Variants in STPG4 observed in about 807,000 individuals in gnomAD.
The protein encoded by STPG4 is protein STPG4.
A neutral mutation model predicts 31.5 loss-of-function variants in STPG4; 41 were observed. That is an observed-to-expected ratio of 1.30 (90% CI 1.01 to 1.69). The LOEUF (loss-of-function observed/expected upper bound fraction) is 1.69. Ranked by LOEUF, STPG4 falls within the 40% of genes most tolerant of loss-of-function variation. STPG4 has a pLI of 0.00. For missense variants in STPG4, 375 were observed against 293.4 expected (o/e 1.28, Z -2.03); for synonymous variants, 141 against 103.0 (o/e 1.37, Z -2.24).
chr2:47,096,616 C>T (rs963577884), intron 5 of STPG4, among the ~76,000 whole-genome samples: 3 of 152,074 alleles, frequency 2.0e-5, no homozygotes, highest in African/African-American at 7.2e-5. Context: ...CATGAATGTC[C>T]CAGGGGGTTA....
chr2:47,091,301 A>C (rs113550107), intron 5 of STPG4, among the ~76,000 whole-genome samples: 1 of 152,224 alleles, frequency 6.6e-6, no homozygotes, highest in Non-Finnish European at 1.5e-5. Flanking sequence ...GATATGAAAC[A>C]GCTTAAAACA....
intron 5 of STPG4, among the ~76,000 whole-genome samples, chr2:47,117,458 C>G (rs1023112281): frequency 6.6e-6 from 1 of 152,144 alleles, no homozygotes; most frequent in East Asian, 1.9e-4. Context: ...ATCTGCCTGC[C>G]TCGGCCTCCT....
intron 2 of STPG4, among the ~76,000 whole-genome samples, chr2:47,152,139 A>G (rs1686951491): frequency 6.6e-6 from 1 of 152,168 alleles, no homozygotes; most frequent in Non-Finnish European, 1.5e-5. Flanking sequence ...TCAGACCTCT[A>G]GTGAGACCAC....
intron 5 of STPG4, among the ~76,000 whole-genome samples, chr2:47,091,245 G>C (rs1685564543): frequency 6.6e-6 from 1 of 152,192 alleles, no homozygotes; most frequent in African/African-American, 2.4e-5. Context: ...TATGATGCTG[G>C]CAGAAGCATA....
intron 5 of STPG4, among the ~76,000 whole-genome samples, chr2:47,114,544 C>T (rs930769397): frequency 1.3e-5 from 2 of 152,086 alleles, no homozygotes; most frequent in African/African-American, 4.8e-5. Context: ...AAAGACTATG[C>T]ATCGTCTTAT....
chr2:47,121,409 C>A (rs1686270058), intron 5 of STPG4, among the ~76,000 whole-genome samples: 1 of 152,176 alleles, frequency 6.6e-6, no homozygotes, highest in Non-Finnish European at 1.5e-5. Context: ...GCTCCCAGAA[C>A]ACTGACAGCT....
chr2:47,145,332 C>G (rs1439639049), intron 3 of STPG4, among the ~76,000 whole-genome samples: 1 of 152,202 alleles, frequency 6.6e-6, no homozygotes, highest in Non-Finnish European at 1.5e-5. Context: ...AACTCTCCCA[C>G]CTCACTCCAC....
intron 6 of STPG4, among the ~76,000 whole-genome samples, chr2:47,087,498 G>A (rs775308044): frequency 1.3e-5 from 2 of 152,134 alleles, no homozygotes; most frequent in Non-Finnish European, 2.9e-5. Context: ...TCTTTCCCCC[G>A]GTGACCTCAG....
intron 3 of STPG4, among the ~76,000 whole-genome samples, chr2:47,139,881 T>C (rs1226733999): frequency 6.6e-6 from 1 of 152,124 alleles, no homozygotes; most frequent in Non-Finnish European, 1.5e-5. Flanking sequence ...GTTCAAGCAA[T>C]TCTCCTGCCT....
At position 47,133,570 on chromosome 2, in the gene STPG4, C is replaced by CTTTTTTTTTTTTTTTTTTTT. The variant is rs10682288; in HGVS notation, c.400-3330_400-3311dup. On this transcript the variant is annotated intron_variant, in intron 3 of 6. Transcript: ENST00000445927. ...ATCCATGCTGATTAGGCACTCAAAT[C>CTTTTTTTTTTTTTTTTTTTT]TTTTTTTTTTTTTTTTTTTTTTTTG... Among the ~76,000 whole-genome samples the CTTTTTTTTTTTTTTTTTTTT allele has an allele frequency of 1.5e-4, 10 of 67,142 alleles. 3 individuals are homozygous for CTTTTTTTTTTTTTTTTTTTT. Among genetic ancestry groups the CTTTTTTTTTTTTTTTTTTTT allele is most frequent in the Non-Finnish European group, 2.0e-4 (8 of 39,824 alleles). 44.0% of individuals were successfully genotyped at this position (67,142 alleles called of 152,430 possible).
intron 3 of STPG4, among the ~76,000 whole-genome samples, chr2:47,146,564 G>GAA (rs34954854): frequency 0.011 from 1,476 of 137,406 alleles, 23 homozygotes; most frequent in South Asian, 0.031. Context: ...CATCTCTACT[G>GAA]AAAAAAAAAA....
At chr2:47,105,213 T>C (rs1228166282) in intron 5 of STPG4, among the ~76,000 whole-genome samples, 1 of 151,956 alleles carries the variant, frequency 6.6e-6, no homozygotes, top group African/African-American at 2.4e-5. Flanking sequence ...CTCAGACTCA[T>C]GGGACAACCC....
intron 5 of STPG4, among the ~76,000 whole-genome samples, chr2:47,094,821 G>A (rs1432206664): frequency 2.0e-5 from 3 of 152,302 alleles, no homozygotes; most frequent in African/African-American, 4.8e-5. Flanking sequence ...CTGTCATACC[G>A]CGAAGAAGCC....
chr2:47,124,760 ATTTCT>A (rs1686334189), intron 5 of STPG4, among the ~76,000 whole-genome samples: 1 of 151,980 alleles, frequency 6.6e-6, no homozygotes, highest in South Asian at 2.1e-4. Context: ...CAATATACTG[ATTTCT>A]TTTCTTTTGG....
chr2:47,127,676 T>C (rs1222949535), intron 5 of STPG4, among the ~76,000 whole-genome samples: 2 of 152,172 alleles, frequency 1.3e-5, no homozygotes, highest in African/African-American at 4.8e-5. Context: ...ATCTGCTTGA[T>C]TTTTTAAAAT....
intron 3 of STPG4, among the ~76,000 whole-genome samples, chr2:47,147,542 T>C (rs1334035178): frequency 6.6e-6 from 1 of 152,142 alleles, no homozygotes; most frequent in Non-Finnish European, 1.5e-5. Context: ...GAGTTGAAAT[T>C]CTTGGTCTTG....
chr2:47,148,761 A>G (rs1686877445), intron 3 of STPG4, among the ~76,000 whole-genome samples: 1 of 152,034 alleles, frequency 6.6e-6, no homozygotes. Context: ...GTTCCCACCT[A>G]TGAGTGAGAA....
At chr2:47,131,671 A>T (rs1686487669) in intron 3 of STPG4, among the ~76,000 whole-genome samples, 1 of 152,182 alleles carries the variant, frequency 6.6e-6, no homozygotes, top group Non-Finnish European at 1.5e-5. Flanking sequence ...TGACCTCAAG[A>T]TGACAAAGAT....
At chr2:47,119,752 A>C (rs7557205) in intron 5 of STPG4, among the ~76,000 whole-genome samples, 20,278 of 152,208 alleles carry the variant, frequency 0.13, 1,529 homozygotes, top group African/African-American at 0.18. Context: ...TTTGTAGTAG[A>C]AAACGGGAAG....
Sources: gnomAD v4.1 joint callset for allele counts (sites outside exome capture counted in the v4.1 genomes callset) on GRCh38, gnomAD v4.1.1 for gene constraint, MANE v1.5 for transcripts, NCBI Gene and HGNC (gene_info 2026-07-23, HGNC 2026-07-21) for gene names.